The following DYSF variants were observed in gnomAD, a reference collection of about 807,000 sequenced individuals.
DYSF encodes the protein dystrophy-associated fer-1-like 1.
DYSF carries 212 observed loss-of-function variants against 274.9 expected under a neutral mutation model. The ratio of observed to expected loss-of-function variants is 0.77; its 90% CI spans 0.69 to 0.86. The LOEUF (loss-of-function observed/expected upper bound fraction) is 0.86. DYSF is among the 40% of genes least tolerant of loss of function. The probability of loss-of-function intolerance (pLI) is 0.00; values close to 1 mark genes in which losing one functional copy is unlikely to be tolerated. For missense variants in DYSF, 2,666 were observed against 2,783.2 expected (o/e 0.96, Z 0.95); for synonymous variants, 1,091 against 1,078.7 (o/e 1.01, Z -0.22).
chr2:71,637,564 G>A (rs990531721), intron 41 of DYSF, among the ~76,000 whole-genome samples: 4 of 152,124 alleles, frequency 2.6e-5, no homozygotes, highest in South Asian at 2.1e-4. Flanking sequence ...ATGAGGTGCC[G>A]GGCGGCACTG....
rs761401736 is a variant in DYSF, at chr2:71,568,159, C to A, written c.2698-13C>A. 1 of 1,614,250 alleles carries A rather than the reference C, an allele frequency of 6.2e-7. No individual in the cohort carries two copies. The highest frequency in any genetic ancestry group is 1.1e-5 in the South Asian group (1 of 91,090). ...GGCCCCCTGCTCACGCCTCATTCTTCCTGGCCCTCCAGTATGAGAACGAGA... is the reference window on the plus strand; with the variant it reads ...GGCCCCCTGCTCACGCCTCATTCTTACTGGCCCTCCAGTATGAGAACGAGA... On this transcript the variant is annotated splice_polypyrimidine_tract_variant and intron_variant, in intron 25 of 55. Coordinates refer to ENST00000410020, the MANE Select transcript of DYSF (RefSeq NM_001130987.2).
At chr2:71,504,427 G>A (rs1167672036) in intron 4 of DYSF, among the ~76,000 whole-genome samples, 1 of 152,150 alleles carries the variant, frequency 6.6e-6, no homozygotes, top group African/African-American at 2.4e-5. Context: ...AGAATGTTCT[G>A]GTTTAGAGCA....
chr2:71,683,122 G>A (rs2095315675), intron 55 of DYSF, among the ~76,000 whole-genome samples: 1 of 152,200 alleles, frequency 6.6e-6, no homozygotes, highest in South Asian at 2.1e-4. Flanking sequence ...GAAGGGAGGA[G>A]CTGGGGCTGG....
intron 27 of DYSF, 138 bp from the exon 28 acceptor site, chr2:71,570,091 G>A: frequency 9.4e-7 from 1 of 1,060,088 alleles, no homozygotes; most frequent in Non-Finnish European, 1.4e-6. Flanking sequence ...GTGCAGTGGT[G>A]GCAGGACACT....
At chr2:71,539,122 C>T in intron 16 of DYSF, 35 bp from the exon 17 acceptor site, 1 of 1,595,836 alleles carries the variant, frequency 6.3e-7, no homozygotes, top group South Asian at 1.1e-5. Flanking sequence ...CAGTTCCTTT[C>T]CTGTGTTCAG....
upstream of DYSF, among the ~76,000 whole-genome samples, chr2:71,462,152 A>C (rs1021862892): frequency 2.7e-4 from 41 of 152,276 alleles, no homozygotes; most frequent in African/African-American, 9.6e-4. Flanking sequence ...CCCTGATCCC[A>C]CGCCTGCGAA....
rs150139276 is a variant in DYSF at position 71,644,034 on chromosome 2, T to C, written c.4597T>C (p.Tyr1533His). The change falls in exon 42 of 56, where the codon TAC becomes CAC. Residue 1533 changes from tyrosine to histidine, a missense_variant. Physicochemically the swap from Tyr to His is moderately conservative, Grantham distance 83. Transcript: ENST00000410020. ...SIGEREKCGS[Y>H]LEKDFDTLKV... ...AGGGGAGAGGGAAAAGTGCGGCTCC[T>C]ACCTGGAGAAGGATTTTGACACCCT... is the stretch of plus-strand genomic sequence containing the variant. 837 of 1,612,142 alleles carry C rather than the reference T, an allele frequency of 5.2e-4. 1 individual carries two copies. The highest frequency in any genetic ancestry group is 6.3e-4 in the Non-Finnish European group (741 of 1,179,202).
intron 28 of DYSF, 126 bp from the exon 29 acceptor site, chr2:71,570,473 C>G: frequency 6.8e-7 from 1 of 1,463,242 alleles, no homozygotes; most frequent in Non-Finnish European, 9.4e-7. Context: ...CCACTCCAAG[C>G]TGCAAATTAG....
chr2:71,493,461 C>T lies in DYSF; in HGVS notation c.240-9753C>T, dbSNP rs188666438. Among the ~76,000 whole-genome samples, 176 of 152,032 alleles carry T rather than the reference C, an allele frequency of 1.2e-3. 1 individual carries two copies. The highest frequency in any genetic ancestry group is 4.0e-3 in the African/African-American group (167 of 41,438). On this transcript the variant is annotated intron_variant, in intron 3 of 55. Coordinates refer to ENST00000410020, the MANE Select transcript of DYSF (RefSeq NM_001130987.2). The stretch of plus-strand genomic sequence containing the variant: ...TCATTTGGGATGTCAGCCTAAATAA[C>T]GAACAGAGAAAAAAGATATTTGTGA...
Position 71,511,897 on chromosome 2 carries a change from C to T in DYSF, c.436C>T (p.Leu146=), listed in dbSNP as rs1291278789. 6.4e-7 allele frequency: 1 copy of T among 1,550,924 alleles called. No homozygotes were observed. The highest frequency in any genetic ancestry group is 8.7e-7 in the Non-Finnish European group (1 of 1,146,468). The part of the protein sequence containing the change: ...PPTPLEPSPT[L]PDLDVVAGGG... The stretch of plus-strand genomic sequence containing the variant: ...TACTCCTCTGGAGCCCTCCCCGACT[C>T]TGCCTGACCTGGATGTAGTGGCAGG... The change falls in exon 5 of 56, where the codon CTG becomes TTG. Residue 146 remains leucine (L), a synonymous_variant. Transcript: ENST00000410020.
At chr2:71,478,395 T>A (rs575229390) in intron 1 of DYSF, among the ~76,000 whole-genome samples, 1 of 151,922 alleles carries the variant, frequency 6.6e-6, no homozygotes, top group Non-Finnish European at 1.5e-5. Context: ...GTATTTTTAG[T>A]AGAGATGGGG....
intron 23 of DYSF, among the ~76,000 whole-genome samples, chr2:71,563,849 C>A (rs1331252101): frequency 6.6e-6 from 1 of 152,236 alleles, no homozygotes; most frequent in African/African-American, 2.4e-5. Context: ...GCCTTATGCT[C>A]TGTTCTCTGG....
At chr2:71,521,349 T>C (rs1416406110) in intron 12 of DYSF, among the ~76,000 whole-genome samples, 1 of 152,192 alleles carries the variant, frequency 6.6e-6, no homozygotes, top group Non-Finnish European at 1.5e-5. Flanking sequence ...CATCTTTCTA[T>C]GTTTGAGAAG....
At chr2:71,609,149 A>ACTG (rs1425036119) in intron 36 of DYSF, among the ~76,000 whole-genome samples, 1 of 152,194 alleles carries the variant, frequency 6.6e-6, no homozygotes, top group Non-Finnish European at 1.5e-5. Flanking sequence ...CAGCCAGGTC[A>ACTG]CTGCAGAAGC....
chr2:71,554,998 C>T (rs2091240468), intron 21 of DYSF, among the ~76,000 whole-genome samples: 1 of 152,036 alleles, frequency 6.6e-6, no homozygotes, highest in Non-Finnish European at 1.5e-5. Flanking sequence ...GGAGCATGCT[C>T]AGATCAGCAG....
chr2:71,579,149 C>G (rs1265149761), intron 30 of DYSF, among the ~76,000 whole-genome samples: 1 of 152,148 alleles, frequency 6.6e-6, no homozygotes, highest in Admixed American at 6.5e-5. Flanking sequence ...CAGTCACCCC[C>G]TCCTGACGCC....
chr2:71,570,084 C>A, intron 27 of DYSF, 145 bp from the exon 28 acceptor site: 1 of 1,042,428 alleles, frequency 9.6e-7, no homozygotes, highest in Non-Finnish European at 1.5e-6. Flanking sequence ...GTGTGGGGTG[C>A]AGTGGTGGCA....
intron 41 of DYSF, among the ~76,000 whole-genome samples, chr2:71,625,481 A>G (rs1421990158): frequency 2.6e-5 from 4 of 152,142 alleles, no homozygotes; most frequent in Admixed American, 1.3e-4. Flanking sequence ...GGGTTTCCAT[A>G]TAAGTGTGGG....
intron 12 of DYSF, among the ~76,000 whole-genome samples, chr2:71,521,759 C>T (rs1453749603): frequency 6.6e-6 from 1 of 152,118 alleles, no homozygotes; most frequent in Non-Finnish European, 1.5e-5. Flanking sequence ...TTCTACTTCT[C>T]CACTTAGCTG....
Sources: allele counts gnomAD v4.1 joint callset (sites outside exome capture counted in the v4.1 genomes callset), GRCh38; gene constraint gnomAD v4.1.1; transcripts MANE v1.5; gene names NCBI Gene and HGNC (gene_info 2026-07-23, HGNC 2026-07-21).